PACRG: variants seen among roughly 807,000 people sequenced by gnomAD.
PACRG encodes parkin coregulated gene protein.
Under a neutral mutation model 29.7 loss-of-function variants are expected in PACRG, and 29 were observed. That is an observed-to-expected ratio of 0.98 (90% CI 0.73 to 1.33). The LOEUF (loss-of-function observed/expected upper bound fraction) is 1.33. Among genes scored for constraint, PACRG ranks in the 40% most tolerant of loss-of-function variants. The pLI is 0.00. For synonymous variants in PACRG, 116 were observed against 118.7 expected (o/e 0.98, Z 0.15); for missense variants, 279 against 316.2 (o/e 0.88, Z 0.89).
intron 4 of PACRG, among the ~76,000 whole-genome samples, chr6:163,092,765 A>C (rs1040758389): frequency 1.8e-4 from 28 of 152,212 alleles, no homozygotes; most frequent in African/African-American, 6.8e-4. Flanking sequence ...GGTATTAATG[A>C]GAGAGCCATT....
At chr6:163,161,566 A>C (rs1190182904) in intron 4 of PACRG, among the ~76,000 whole-genome samples, 1 of 152,178 alleles carries the variant, frequency 6.6e-6, no homozygotes, top group Non-Finnish European at 1.5e-5. Flanking sequence ...CATAACTTAT[A>C]TTTTGTACAC....
intron 2 of PACRG, among the ~76,000 whole-genome samples, chr6:162,823,528 T>G (rs1399035658): frequency 6.6e-6 from 1 of 151,758 alleles, no homozygotes; most frequent in African/African-American, 2.4e-5. Flanking sequence ...TTTTTTTTTT[T>G]TGAGACAGAG....
At chr6:162,891,535 G>A (rs1794758875) in intron 2 of PACRG, among the ~76,000 whole-genome samples, 2 of 152,098 alleles carry the variant, frequency 1.3e-5, no homozygotes, top group East Asian at 1.9e-4. Flanking sequence ...AATGAGACAG[G>A]GCCAAAGATG....
chr6:162,881,934 G>T (rs1227023142), intron 2 of PACRG, among the ~76,000 whole-genome samples: 7 of 112,094 alleles, frequency 6.2e-5, no homozygotes, highest in Non-Finnish European at 1.0e-4. Flanking sequence ...AGACCACAGG[G>T]TCCTCTCCAC....
chr6:163,111,282 G>A (rs1815699428), intron 4 of PACRG, among the ~76,000 whole-genome samples: 1 of 152,172 alleles, frequency 6.6e-6, no homozygotes, highest in South Asian at 2.1e-4. Context: ...TGGATTTTAT[G>A]ATCCCCTTGT....
chr6:162,910,485 G>A (rs1480387859), intron 2 of PACRG, among the ~76,000 whole-genome samples: 1 of 152,102 alleles, frequency 6.6e-6, no homozygotes, highest in African/African-American at 2.4e-5. Flanking sequence ...CTGCTAAGCT[G>A]TATTGTTTAT....
At chr6:162,753,846 G>C (rs1351640758) in intron 1 of PACRG, among the ~76,000 whole-genome samples, 3 of 152,164 alleles carry the variant, frequency 2.0e-5, no homozygotes, top group Non-Finnish European at 4.4e-5. Flanking sequence ...AGGAGTGTGA[G>C]TTAATTAAAC....
At chr6:163,072,133 AAC>A (rs1812120208) in intron 3 of PACRG, among the ~76,000 whole-genome samples, 1 of 151,902 alleles carries the variant, frequency 6.6e-6, no homozygotes. Flanking sequence ...GACACATTAA[AAC>A]AAAAAGAAAG....
chr6:163,196,150 G>C (rs1175429970), intron 4 of PACRG, among the ~76,000 whole-genome samples: 5 of 152,336 alleles, frequency 3.3e-5, no homozygotes, highest in African/African-American at 1.2e-4. Context: ...GTTTCCGCGA[G>C]AACGTTCCCT....
intron 1 of PACRG, among the ~76,000 whole-genome samples, chr6:162,786,106 A>G (rs895718293): frequency 2.0e-5 from 3 of 152,230 alleles, no homozygotes; most frequent in Non-Finnish European, 4.4e-5. Context: ...GTGTGTTGAC[A>G]CACAGAGGGG....
intron 2 of PACRG, among the ~76,000 whole-genome samples, chr6:162,932,542 T>C (rs1797929942): frequency 1.3e-5 from 2 of 152,062 alleles, no homozygotes; most frequent in African/African-American, 2.4e-5. Flanking sequence ...AGACTTTTCA[T>C]TATAGCTTCA....
intron 2 of PACRG, among the ~76,000 whole-genome samples, chr6:163,004,084 C>A (rs1022247305): frequency 6.6e-6 from 1 of 152,072 alleles, no homozygotes; most frequent in Non-Finnish European, 1.5e-5. Context: ...AAAAAAAATT[C>A]TCTTCCAATA....
At chr6:162,748,355 TG>T (rs1193342020) in intron 1 of PACRG, among the ~76,000 whole-genome samples, 1 of 152,072 alleles carries the variant, frequency 6.6e-6, no homozygotes, top group African/African-American at 2.4e-5. Flanking sequence ...TAGCCAGGCG[TG>T]GTGGCACCTG....
At chr6:162,867,785 G>A (rs1205575857) in intron 2 of PACRG, among the ~76,000 whole-genome samples, 1 of 152,118 alleles carries the variant, frequency 6.6e-6, no homozygotes, top group Non-Finnish European at 1.5e-5. Flanking sequence ...AACAGGCCCG[G>A]TTTTCTCCAG....
chr6:162,875,046 T>C (rs1239750687), intron 2 of PACRG, among the ~76,000 whole-genome samples: 1 of 152,002 alleles, frequency 6.6e-6, no homozygotes, highest in East Asian at 1.9e-4. Context: ...CACACATGCT[T>C]TCACACTCAC....
At chr6:162,877,170 G>T (rs1486520237) in intron 2 of PACRG, among the ~76,000 whole-genome samples, 1 of 152,084 alleles carries the variant, frequency 6.6e-6, no homozygotes, top group Non-Finnish European at 1.5e-5. Flanking sequence ...CAATAGCAAA[G>T]ACTTGGAACC....
At chr6:163,048,521 T>C (rs1809646904) in intron 2 of PACRG, among the ~76,000 whole-genome samples, 1 of 152,208 alleles carries the variant, frequency 6.6e-6, no homozygotes, top group South Asian at 2.1e-4. Context: ...ATGGTTTCAG[T>C]GTTAAGGTTA....
chr6:163,257,303 G>C (rs1276546862), intron 4 of PACRG, among the ~76,000 whole-genome samples: 1 of 152,074 alleles, frequency 6.6e-6, no homozygotes, highest in Admixed American at 6.6e-5. Context: ...GGGCATTCTG[G>C]GGGCTGTATG....
At chr6:163,175,971 C>T (rs1030220667) in intron 4 of PACRG, among the ~76,000 whole-genome samples, 1 of 152,144 alleles carries the variant, frequency 6.6e-6, no homozygotes, top group Non-Finnish European at 1.5e-5. Context: ...TGGTGCATAG[C>T]CCAGGTAATG....
Sources: allele counts gnomAD v4.1 joint callset (sites outside exome capture counted in the v4.1 genomes callset), GRCh38; gene constraint gnomAD v4.1.1; transcripts MANE v1.5; gene names NCBI Gene and HGNC (gene_info 2026-07-23, HGNC 2026-07-21).